MEAF6: variants seen among roughly 807,000 people sequenced by gnomAD.
The protein encoded by MEAF6 is chromatin modification-related protein MEAF6.
A neutral mutation model predicts 28.9 loss-of-function variants in MEAF6; 15 were observed. That is an observed-to-expected ratio of 0.52 (90% CI 0.35 to 0.80). The LOEUF (loss-of-function observed/expected upper bound fraction) is 0.80, where lower values mean the gene tolerates loss of function less well. Ranked by LOEUF, MEAF6 falls within the 30% of genes least tolerant of loss-of-function variation. The pLI is 0.01. For synonymous variants in MEAF6, 97 were observed against 88.7 expected, an observed-to-expected ratio of 1.09 and a Z score of -0.53; for missense variants, 178 against 237.5, an observed-to-expected ratio of 0.75 and a Z score of 1.65.
intron 2 of MEAF6, among the ~76,000 whole-genome samples, chr1:37,510,444 C>T (rs1031856997): frequency 3.1e-5 from 4 of 129,814 alleles, no homozygotes; most frequent in Non-Finnish European, 6.2e-5. Context: ...TGCAGTGGTG[C>T]GATCCAGGGT....
intron 5 of MEAF6, 188 bp downstream of exon 5, chr1:37,501,616 T>C: frequency 2.1e-6 from 1 of 481,978 alleles, no homozygotes; most frequent in Non-Finnish European, 3.7e-6. Flanking sequence ...GGAGTCTTCC[T>C]TGAGGGTTAC....
chr1:37,506,048 G>A (rs751029916), intron 4 of MEAF6, among the ~76,000 whole-genome samples: 4 of 152,300 alleles, frequency 2.6e-5, no homozygotes, highest in East Asian at 1.9e-4. Context: ...CAAGGTGGGC[G>A]GATCACGAGG....
At chr1:37,496,494 G>A in intron 5 of MEAF6, 1 of 925,994 alleles carries the variant, frequency 1.1e-6, no homozygotes. Flanking sequence ...AAATTAAAAT[G>A]CATAAAAGTG....
intron 5 of MEAF6, among the ~76,000 whole-genome samples, chr1:37,499,323 T>C (rs1642221311): frequency 6.6e-6 from 1 of 152,136 alleles, no homozygotes; most frequent in African/African-American, 2.4e-5. Flanking sequence ...CTATATGGGG[T>C]ATGGCACACT....
intron 5 of MEAF6, among the ~76,000 whole-genome samples, chr1:37,498,742 T>C (rs867840210): frequency 1.3e-5 from 2 of 152,222 alleles, no homozygotes; most frequent in Middle Eastern, 3.4e-3. Flanking sequence ...CTATATGGTA[T>C]TATTTCAACT....
At position 37,495,870 on chromosome 1, in the gene MEAF6, C is replaced by T; in HGVS notation, c.567+15G>A. ...AAATTGCCAGCCTCTCTGAAGTGGT[C>T]CGGCTGATACTTACAGCTCGTGGTT... is the stretch of plus-strand genomic sequence containing the variant. On this transcript the variant is annotated intron_variant, in intron 6 of 6. Coordinates refer to ENST00000296214, the MANE Select transcript of MEAF6 (RefSeq NM_001270875.3). The T allele has an allele frequency of 1.2e-6, 2 of 1,613,728 alleles. No individual in the cohort carries two copies. Among genetic ancestry groups the T allele is most frequent in the East Asian group, 4.5e-5 (2 of 44,850 alleles).
In MEAF6 at chr1:37,492,320, A is replaced by G. The variant is rs1176185898; in HGVS notation, c.*1779T>C. Among the ~76,000 whole-genome samples, 2 of 151,030 alleles carry G rather than the reference A, an allele frequency of 1.3e-5. No homozygotes were observed. The highest frequency in any genetic ancestry group is 6.6e-5 in the Admixed American group (1 of 15,150). The stretch of plus-strand genomic sequence containing the variant: ...TGGGATTACAGGTGTGAGCCACCGC[A>G]CCCAGCCCAAGAGTCAAAAATATTT... On this transcript the variant is annotated 3_prime_UTR_variant, in exon 7 of 7. Transcript: ENST00000296214.
Position 37,493,484 on chromosome 1 carries a change from C to G in MEAF6, c.*615G>C. On this transcript the variant is annotated 3_prime_UTR_variant, in exon 7 of 7. Coordinates refer to ENST00000296214, the MANE Select transcript of MEAF6 (RefSeq NM_001270875.3). ...ACTCTTTACCTCCCCTTGCAAAAAA[C>G]AGAGGCAAGTTTCCCATTTTACTTA... 2.3e-6 allele frequency: 1 copy of G among 435,684 alleles called. No individual in the cohort carries two copies. Among genetic ancestry groups the G allele is most frequent in the South Asian group, 4.9e-5 (1 of 20,524 alleles). The allele number at this position is 435,684 out of a possible 1,614,324, so 27.0% of individuals were successfully genotyped here.
At position 37,510,253 on chromosome 1, in the gene MEAF6, T is replaced by C. The variant is rs1308779394; in HGVS notation, c.207-711A>G. Among the ~76,000 whole-genome samples, 3 of 151,702 alleles carry C rather than the reference T, an allele frequency of 2.0e-5. 1 individual carries two copies. Among genetic ancestry groups the C allele is most frequent in the Non-Finnish European group, 4.4e-5 (3 of 67,986 alleles). ...CCACCACACCCAGCTAATTCTTTTTTTGTATCTTTAGTAGAGACGGGATTT... is the reference window on the plus strand; with the variant it reads ...CCACCACACCCAGCTAATTCTTTTTCTGTATCTTTAGTAGAGACGGGATTT... On this transcript the variant is annotated intron_variant, in intron 2 of 6. Transcript: ENST00000296214.
chr1:37,502,419 T>A (rs994809321), intron 4 of MEAF6, among the ~76,000 whole-genome samples: 2 of 151,918 alleles, frequency 1.3e-5, no homozygotes, highest in Admixed American at 1.3e-4. Flanking sequence ...TGTTATTGAG[T>A]TTGCTTTTAT....
Position 37,490,131 on chromosome 1 carries a change from T to C in MEAF6, c.*3968A>G, listed in dbSNP as rs1641878178. Among the ~76,000 whole-genome samples the C allele has an allele frequency of 6.6e-6, 1 of 151,948 alleles. No individual in the cohort carries two copies. Among genetic ancestry groups the C allele is most frequent in the African/African-American group, 2.4e-5 (1 of 41,354 alleles). ...GGCTGAGCCTCAAAATGAATATAAA[T>C]CAAAGGCCTAATCTTTTCTTCCCAC... On this transcript the variant is annotated 3_prime_UTR_variant, in exon 7 of 7. Coordinates refer to ENST00000296214, the MANE Select transcript of MEAF6 (RefSeq NM_001270875.3).
At chr1:37,500,894 G>A (rs79183772) in intron 5 of MEAF6, 404 of 154,200 alleles carry the variant, frequency 2.6e-3, no homozygotes, top group African/African-American at 9.2e-3. Flanking sequence ...GGAGTAGAAC[G>A]AATGTACAGT....
At chr1:37,514,602 G>A (rs1642779563) in intron 1 of MEAF6, 55 bp downstream of exon 1, 1 of 1,383,428 alleles carries the variant, frequency 7.2e-7, no homozygotes, top group Non-Finnish European at 9.6e-7. Context: ...TTGGGGCCTG[G>A]AGGCGGGGCG....
At position 37,492,250 on chromosome 1, in the gene MEAF6, G is replaced by C. The variant is rs879563145; in HGVS notation, c.*1849C>G. ...TCACTGTGTTCGCCAGGATGGTCTC[G>C]ATCTCCTGACCTCGTGATCCGCCCG... On this transcript the variant is annotated 3_prime_UTR_variant, in exon 7 of 7. Coordinates refer to ENST00000296214, the MANE Select transcript of MEAF6 (RefSeq NM_001270875.3). 6.6e-6 allele frequency among the ~76,000 whole-genome samples: 1 copy of C among 151,860 alleles called. No homozygotes were observed. Among genetic ancestry groups the C allele is most frequent in the Non-Finnish European group, 1.5e-5 (1 of 67,958 alleles).
At chr1:37,498,993 A>G (rs1642209156) in intron 5 of MEAF6, among the ~76,000 whole-genome samples, 1 of 151,984 alleles carries the variant, frequency 6.6e-6, no homozygotes, top group African/African-American at 2.4e-5. Flanking sequence ...CTACAAAACA[A>G]TACAGAAACT....
At chr1:37,510,100 C>T (rs1220537286) in intron 2 of MEAF6, among the ~76,000 whole-genome samples, 2 of 127,476 alleles carry the variant, frequency 1.6e-5, no homozygotes, top group Non-Finnish European at 3.2e-5. Context: ...TTTTTTGAGA[C>T]GCAGTCTCGC....
intron 5 of MEAF6, among the ~76,000 whole-genome samples, chr1:37,498,189 G>A (rs1199919340): frequency 2.6e-5 from 4 of 152,148 alleles, no homozygotes; most frequent in Admixed American, 2.6e-4. Flanking sequence ...CTGGAAGAAA[G>A]CTTAATGTCA....
At chr1:37,514,585 G>T in intron 1 of MEAF6, 72 bp downstream of exon 1, 1 of 1,247,768 alleles carries the variant, frequency 8.0e-7, no homozygotes, top group Non-Finnish European at 1.1e-6. Context: ...GCCTAGCGCG[G>T]CCGGGCTTGG....
intron 2 of MEAF6, among the ~76,000 whole-genome samples, 156 bp from the exon 3 acceptor site, chr1:37,509,698 T>C (rs1397716851): frequency 2.0e-5 from 3 of 152,198 alleles, no homozygotes; most frequent in Admixed American, 6.5e-5. Flanking sequence ...CGTTTTCCAA[T>C]ATATGGTACA....
Sources: allele counts gnomAD v4.1 joint callset (sites outside exome capture counted in the v4.1 genomes callset), GRCh38; gene constraint gnomAD v4.1.1; transcripts MANE v1.5; gene names NCBI Gene and HGNC (gene_info 2026-07-23, HGNC 2026-07-21).